WIPF3: variants seen among roughly 807,000 people sequenced by gnomAD.
WIPF3 encodes the protein WAS/WASL-interacting protein family member 3.
In WIPF3, 33 loss-of-function variants were observed where a neutral mutation model predicts 38.9. The observed-to-expected ratio is 0.85, with a 90% confidence interval of 0.64 to 1.14. WIPF3 has a LOEUF of 1.14. Among genes scored for constraint, WIPF3 ranks in the 50% most tolerant of loss-of-function variants. The pLI is 0.00. For missense variants in WIPF3, 711 were observed against 652.5 expected (o/e 1.09, Z -0.98); for synonymous variants, 324 against 269.3 (o/e 1.20, Z -1.99).
At chr7:29,827,156 C>T (rs935547555) in intron 1 of WIPF3, among the ~76,000 whole-genome samples, 1 of 152,180 alleles carries the variant, frequency 6.6e-6, no homozygotes, top group Non-Finnish European at 1.5e-5. Flanking sequence ...TCCCCCAATC[C>T]TGTTCCTGGC....
At chr7:29,843,356 C>T (rs965019551) in intron 2 of WIPF3, among the ~76,000 whole-genome samples, 1 of 152,084 alleles carries the variant, frequency 6.6e-6, no homozygotes, top group Non-Finnish European at 1.5e-5. Flanking sequence ...CAGGAGGCAG[C>T]GATTACAGAC....
At chr7:29,836,854 G>A (rs1214892391) in intron 2 of WIPF3, among the ~76,000 whole-genome samples, 2 of 152,100 alleles carry the variant, frequency 1.3e-5, no homozygotes, top group Non-Finnish European at 2.9e-5. Context: ...GTCAGGCATG[G>A]TGGCAGGTGC....
At chr7:29,842,795 T>A (rs1231199756) in intron 2 of WIPF3, among the ~76,000 whole-genome samples, 1 of 152,130 alleles carries the variant, frequency 6.6e-6, no homozygotes, top group South Asian at 2.1e-4. Context: ...GGTGGAAGGG[T>A]GCTTAGTAGA....
Position 29,915,450 on chromosome 7 carries a change from G to A in WIPF3, c.*934G>A, listed in dbSNP as rs1786596041. On this transcript the variant is annotated 3_prime_UTR_variant, in exon 9 of 9. Coordinates refer to ENST00000242140, the MANE Select transcript of WIPF3 (RefSeq NM_001080529.3). ...CATGGAAAATATGACATGAAAAAGT[G>A]TAGAACGAAACATCGTGTGAAATAC... 6.6e-6 allele frequency: 1 copy of A among 152,184 alleles called. No homozygotes were observed. Among genetic ancestry groups the A allele is most frequent in the Non-Finnish European group, 1.5e-5 (1 of 68,058 alleles). The allele number at this position is 152,184 out of a possible 1,614,324, so 9.4% of individuals were successfully genotyped here. A position where few individuals can be genotyped will look rare whatever the true frequency, so the allele number is the denominator to read the frequency against.
intron 2 of WIPF3, among the ~76,000 whole-genome samples, chr7:29,870,645 A>T (rs56412459): frequency 6.6e-6 from 1 of 152,120 alleles, no homozygotes; most frequent in Admixed American, 6.5e-5. Context: ...ATAGCCCCAA[A>T]AAAAGACCCC....
intron 2 of WIPF3, among the ~76,000 whole-genome samples, chr7:29,864,176 A>G (rs963925034): frequency 6.6e-6 from 1 of 152,160 alleles, no homozygotes; most frequent in African/African-American, 2.4e-5. Context: ...ATTTTTTTAA[A>G]TCAGGTTGTT....
intron 8 of WIPF3, 103 bp downstream of exon 8, chr7:29,904,465 C>T: frequency 8.4e-7 from 1 of 1,194,920 alleles, no homozygotes; most frequent in Non-Finnish European, 1.2e-6. Flanking sequence ...TATATTTTTC[C>T]TCACACTCCT....
At chr7:29,808,239 A>C (rs1203101247) in intron 1 of WIPF3, among the ~76,000 whole-genome samples, 1 of 152,238 alleles carries the variant, frequency 6.6e-6, no homozygotes, top group Non-Finnish European at 1.5e-5. Flanking sequence ...CAGCTAATGC[A>C]TTTCAAAGAT....
chr7:29,808,169 A>G (rs1784314245), intron 1 of WIPF3, among the ~76,000 whole-genome samples: 1 of 152,248 alleles, frequency 6.6e-6, no homozygotes, highest in Non-Finnish European at 1.5e-5. Context: ...TGAAAAAGTA[A>G]ATAAAAATGT....
Position 29,915,638 on chromosome 7 carries a change from C to T in WIPF3, c.*1122C>T, listed in dbSNP as rs1380126733. ...CTGTCTGTGGGGAGATGTGTGCAAG[C>T]TCAGCCACTCTGAATATGGAAAAGG... is the stretch of plus-strand genomic sequence containing the variant. On this transcript the variant is annotated 3_prime_UTR_variant, in exon 9 of 9. Coordinates refer to ENST00000242140, the MANE Select transcript of WIPF3 (RefSeq NM_001080529.3). 1 of 152,266 alleles carries T rather than the reference C, an allele frequency of 6.6e-6. No individual in the cohort carries two copies. Among genetic ancestry groups the T allele is most frequent in the African/African-American group, 2.4e-5 (1 of 41,432 alleles). The allele number at this position is 152,266 out of a possible 1,614,324, so 9.4% of individuals were successfully genotyped here. A position where few individuals can be genotyped will look rare whatever the true frequency, so the allele number is the denominator to read the frequency against.
intron 8 of WIPF3, among the ~76,000 whole-genome samples, chr7:29,907,710 A>G (rs1347372224): frequency 6.6e-6 from 1 of 152,224 alleles, no homozygotes; most frequent in African/African-American, 2.4e-5. Context: ...CTCACAAGAC[A>G]CCATATCTGT....
Position 29,884,083 on chromosome 7 carries a change from A to G in WIPF3, c.589A>G (p.Lys197Glu). Residue 197 changes from lysine to glutamate, a missense_variant, in exon 5 of 9, where the codon AAA (lysine) becomes GAA (glutamate). Coordinates refer to ENST00000242140, the MANE Select transcript of WIPF3 (RefSeq NM_001080529.3). ...GCCCCTTCCCTCTTCCTCCCCCATC[A>G]AAACTCCGCTTGTGTCCCCACCCGG... The part of the protein sequence containing the change: ...PPPLPSSSPI[K>E]TPLVSPPGPL... 1 of 1,152,268 alleles carries G rather than the reference A, an allele frequency of 8.7e-7. No homozygotes were observed. The highest frequency in any genetic ancestry group is 1.7e-5 in the South Asian group (1 of 59,432). The allele number at this position is 1,152,268 out of a possible 1,614,324, so 71.4% of individuals were successfully genotyped here. A position where few individuals can be genotyped will look rare whatever the true frequency, so the allele number is the denominator to read the frequency against.
chr7:29,867,187 C>T (rs1053767540), intron 2 of WIPF3, among the ~76,000 whole-genome samples: 8 of 152,202 alleles, frequency 5.3e-5, no homozygotes, highest in African/African-American at 9.6e-5. Flanking sequence ...TTTACCCAAA[C>T]GCCAAAGTCA....
chr7:29,868,071 G>A (rs1227878178), intron 2 of WIPF3, among the ~76,000 whole-genome samples: 2 of 152,302 alleles, frequency 1.3e-5, no homozygotes, highest in African/African-American at 2.4e-5. Flanking sequence ...AATTAAAAAC[G>A]ATGTGCCTTG....
rs376131809 is a variant in WIPF3 at position 29,855,737 on chromosome 7, T to G, written c.91-20093T>G. Among the ~76,000 whole-genome samples, 6 of 152,318 alleles carry G rather than the reference T, an allele frequency of 3.9e-5. No individual in the cohort carries two copies. In the South Asian group the frequency reaches 1.2e-3, roughly 32 times the overall value. On this transcript the variant is annotated intron_variant, in intron 2 of 8. Coordinates refer to ENST00000242140, the MANE Select transcript of WIPF3 (RefSeq NM_001080529.3). The stretch of plus-strand genomic sequence containing the variant: ...CAAAGAAACCACAAGAAGTGAATGT[T>G]AACTCACTTTTTACAAATCATCTCA...
At chr7:29,870,274 A>C (rs1017939580) in intron 2 of WIPF3, among the ~76,000 whole-genome samples, 1 of 152,170 alleles carries the variant, frequency 6.6e-6, no homozygotes, top group African/African-American at 2.4e-5. Context: ...ATTCAAATGG[A>C]TGCAGCAAAG....
chr7:29,879,039 G>A lies in WIPF3; in HGVS notation c.254G>A (p.Gly85Asp). 6.2e-7 allele frequency: 1 copy of A among 1,603,300 alleles called. No homozygotes were observed. The highest frequency in any genetic ancestry group is 8.5e-7 in the Non-Finnish European group (1 of 1,174,140). Residue 85 changes from glycine (G) to aspartate (D), a missense_variant, in exon 4 of 9, where the codon GGT becomes GAT. Gly to Asp is a moderately conservative substitution (Grantham distance 94). Transcript: ENST00000242140. ...SSKGTNKEGG[G>D]SANTRGASTP... ...AAAGGAACCAACAAAGAAGGAGGAG[G>A]TTCTGCAAACACACGAGGCGCGAGC...
chr7:29,853,587 C>T (rs1419034061), intron 2 of WIPF3, among the ~76,000 whole-genome samples: 4 of 152,218 alleles, frequency 2.6e-5, no homozygotes, highest in African/African-American at 9.6e-5. Context: ...CACACAGGGG[C>T]CCTGCATGGC....
Position 29,879,059 on chromosome 7 carries a change from G to A in WIPF3, c.274G>A (p.Ala92Thr), listed in dbSNP as rs200511759. 111 of 1,608,634 alleles carry A rather than the reference G, an allele frequency of 6.9e-5. No individual in the cohort carries two copies. Among genetic ancestry groups the A allele is most frequent in the South Asian group, 2.0e-4 (18 of 89,702 alleles). The change falls in exon 4 of 9, where the codon GCG (alanine) becomes ACG (threonine). Residue 92 changes from alanine to threonine, a missense_variant. By Grantham distance (58) the Ala-to-Thr change is moderately conservative. Transcript: ENST00000242140. ...EGGGSANTRG[A>T]STPPTLGDLF... ...AGGAGGTTCTGCAAACACACGAGGC[G>A]CGAGCACACCTCCCACCCTGGGAGA...
Sources: allele counts gnomAD v4.1 joint callset (sites outside exome capture counted in the v4.1 genomes callset), GRCh38; gene constraint gnomAD v4.1.1; transcripts MANE v1.5; gene names NCBI Gene and HGNC (gene_info 2026-07-23, HGNC 2026-07-21).